Variants in EEFSEC observed in about 807,000 individuals in gnomAD.
EEFSEC encodes the protein eukaryotic elongation factor, selenocysteine-tRNA specific.
EEFSEC carries 43 observed loss-of-function variants against 42.1 expected under a neutral mutation model. That is an observed-to-expected ratio of 1.02 (90% confidence interval 0.80 to 1.32). EEFSEC has a LOEUF of 1.32. EEFSEC is among the 40% of genes most tolerant of loss of function. EEFSEC has a pLI of 0.00. For missense variants in EEFSEC, 745 were observed against 803.6 expected, an observed-to-expected ratio of 0.93 and a Z score of 0.88; for synonymous variants, 354 against 339.1, an observed-to-expected ratio of 1.04 and a Z score of -0.48.
chr3:128,394,477 A>G (rs2067956209), intron 6 of EEFSEC, among the ~76,000 whole-genome samples: 1 of 142,424 alleles, frequency 7.0e-6, no homozygotes, highest in Admixed American at 7.1e-5. Context: ...TGACATTTTT[A>G]ATATGTGGAT....
chr3:128,213,353 C>T (rs774674486), intron 1 of EEFSEC, among the ~76,000 whole-genome samples: 1 of 152,132 alleles, frequency 6.6e-6, no homozygotes, highest in Non-Finnish European at 1.5e-5. Context: ...ATGTAGTTGG[C>T]GTAGTAGAAA....
At chr3:128,163,841 C>T (rs2065217174) in intron 1 of EEFSEC, among the ~76,000 whole-genome samples, 1 of 151,856 alleles carries the variant, frequency 6.6e-6, no homozygotes, top group African/African-American at 2.4e-5. Flanking sequence ...TCCTATGTTG[C>T]CCAGGCTGGT....
intron 1 of EEFSEC, among the ~76,000 whole-genome samples, chr3:128,168,297 T>C (rs994016909): frequency 3.3e-5 from 5 of 152,188 alleles, no homozygotes; most frequent in African/African-American, 1.2e-4. Context: ...CCAGGGTTTG[T>C]TGACTACATG....
rs144142330 is a variant in EEFSEC at position 128,359,332 on chromosome 3, T to C, written c.1600+959T>C. 3.6e-3 allele frequency among the ~76,000 whole-genome samples: 545 copies of C among 152,314 alleles called. 1 individual carries two copies. The highest frequency in any genetic ancestry group is 0.011 in the African/African-American group (476 of 41,554). Reference sequence around the variant, plus strand: ...ATAGGCCAGGGTTCATACTGTGCGCTGGGGACCGTGGGAAGGACTAAAGCC... The same window carrying C: ...ATAGGCCAGGGTTCATACTGTGCGCCGGGGACCGTGGGAAGGACTAAAGCC... On this transcript the variant is annotated intron_variant, in intron 6 of 6. Transcript: ENST00000254730.
At chr3:128,178,285 T>C (rs1208956456) in intron 1 of EEFSEC, among the ~76,000 whole-genome samples, 1 of 152,206 alleles carries the variant, frequency 6.6e-6, no homozygotes, top group Non-Finnish European at 1.5e-5. Flanking sequence ...TTTAAATACC[T>C]TTTTTCTCAT....
intron 4 of EEFSEC, among the ~76,000 whole-genome samples, chr3:128,321,935 G>C (rs1005888957): frequency 1.3e-5 from 2 of 152,230 alleles, no homozygotes; most frequent in Non-Finnish European, 2.9e-5. Flanking sequence ...GGGAGCTGAA[G>C]ATGTCCAGAT....
At chr3:128,411,192 AG>A (rs1356734939), downstream of EEFSEC, among the ~76,000 whole-genome samples, 1 of 152,192 alleles carries the variant, frequency 6.6e-6, no homozygotes, top group Admixed American at 6.5e-5. Flanking sequence ...GCTGAGGCCA[AG>A]GTGTGGGCAT....
chr3:128,305,777 A>G (rs576537734), intron 4 of EEFSEC, among the ~76,000 whole-genome samples: 127 of 152,254 alleles, frequency 8.3e-4, no homozygotes, highest in Non-Finnish European at 1.5e-3. Context: ...CATATTTTCT[A>G]ATAGAATAAT....
chr3:128,383,890 C>T (rs143212920), intron 6 of EEFSEC, among the ~76,000 whole-genome samples: 109 of 152,328 alleles, frequency 7.2e-4, no homozygotes, highest in African/African-American at 2.5e-3. Context: ...CACAGGCCCA[C>T]GCCAGCCCAC....
chr3:128,332,050 T>C (rs1262979242), intron 4 of EEFSEC, among the ~76,000 whole-genome samples: 1 of 152,150 alleles, frequency 6.6e-6, no homozygotes, highest in East Asian at 1.9e-4. Flanking sequence ...ATTAAGGGTA[T>C]GGATAAATGA....
intron 4 of EEFSEC, among the ~76,000 whole-genome samples, chr3:128,318,229 G>A (rs182212698): frequency 2.6e-5 from 4 of 152,338 alleles, no homozygotes; most frequent in Admixed American, 2.0e-4. Flanking sequence ...GCCAATGCCC[G>A]GAACATAGTT....
chr3:128,159,769 C>T (rs901287842), intron 1 of EEFSEC, among the ~76,000 whole-genome samples: 1 of 152,224 alleles, frequency 6.6e-6, no homozygotes, highest in African/African-American at 2.4e-5. Flanking sequence ...TAAGTCTCTG[C>T]TTTAATGGCA....
chr3:128,371,498 C>T (rs1045387530), intron 6 of EEFSEC, among the ~76,000 whole-genome samples: 1 of 152,164 alleles, frequency 6.6e-6, no homozygotes, highest in Admixed American at 6.5e-5. Context: ...CCAAAATATC[C>T]CCCAGTTGAG....
At chr3:128,210,177 T>C (rs375972961) in intron 1 of EEFSEC, among the ~76,000 whole-genome samples, 5 of 152,256 alleles carry the variant, frequency 3.3e-5, no homozygotes, top group African/African-American at 7.2e-5. Flanking sequence ...AGAAACTGTT[T>C]CGTTATTTAG....
At chr3:128,372,803 C>T (rs1052267373) in intron 6 of EEFSEC, among the ~76,000 whole-genome samples, 1 of 152,240 alleles carries the variant, frequency 6.6e-6, no homozygotes, top group Non-Finnish European at 1.5e-5. Context: ...CAGCAGCCCT[C>T]TCTGGGACAA....
intron 4 of EEFSEC, among the ~76,000 whole-genome samples, chr3:128,311,115 G>A (rs1454530679): frequency 6.6e-6 from 1 of 152,214 alleles, no homozygotes; most frequent in Non-Finnish European, 1.5e-5. Context: ...TTAAAATTCA[G>A]ATTTAGACCA....
At chr3:128,215,900 CTGAG>C in intron 1 of EEFSEC, among the ~76,000 whole-genome samples, 1 of 152,242 alleles carries the variant, frequency 6.6e-6, no homozygotes, top group Non-Finnish European at 1.5e-5. Context: ...ACAGGAGAGA[CTGAG>C]TGGCCAGCTC....
chr3:128,210,929 C>T (rs952900686), intron 1 of EEFSEC, among the ~76,000 whole-genome samples: 13 of 152,172 alleles, frequency 8.5e-5, no homozygotes, highest in Admixed American at 5.2e-4. Flanking sequence ...TGAAAATGTC[C>T]TGCCAATCTG....
At chr3:128,260,845 C>T (rs1359539061) in intron 2 of EEFSEC, among the ~76,000 whole-genome samples, 1 of 151,966 alleles carries the variant, frequency 6.6e-6, no homozygotes, top group Non-Finnish European at 1.5e-5. Flanking sequence ...TCATTTTTGC[C>T]AGTGTTCTTT....
Sources: allele counts gnomAD v4.1 joint callset (sites outside exome capture counted in the v4.1 genomes callset), GRCh38; gene constraint gnomAD v4.1.1; transcripts MANE v1.5; gene names NCBI Gene and HGNC (gene_info 2026-07-23, HGNC 2026-07-21).